MYB: variants seen among roughly 807,000 people sequenced by gnomAD.
MYB encodes the protein transcriptional activator Myb.
In MYB, 28 loss-of-function variants were observed where a neutral mutation model predicts 92.9. The ratio of observed to expected loss-of-function variants is 0.30; its 90% CI spans 0.22 to 0.41. MYB has a LOEUF of 0.41. Among genes scored for constraint, MYB ranks in the 10% least tolerant of loss-of-function variants. The pLI, the probability that MYB is intolerant of heterozygous loss-of-function variation, is 1.00. For synonymous variants in MYB, 295 were observed against 329.1 expected (o/e 0.90, Z 1.12); for missense variants, 679 against 929.3 (o/e 0.73, Z 3.50).
chr6:135,181,840 G>T lies in MYB; in HGVS notation c.23+304G>T, dbSNP rs923862802. 6.6e-6 allele frequency among the ~76,000 whole-genome samples: 1 copy of T among 152,240 alleles called. No homozygotes were observed. The highest frequency in any genetic ancestry group is 2.4e-5 in the African/African-American group (1 of 41,460). ...GCACGTTCCAGCCGAGGGCAGAGCG[G>T]TGCCCACCAGCCCCGGGGAGCCCAC... On this transcript the variant is annotated intron_variant, in intron 1 of 15. Transcript: ENST00000341911. The surrounding 1 kb of genome is among the most constrained non-coding windows in gnomAD (Gnocchi z 5.3).
intron 5 of MYB, among the ~76,000 whole-genome samples, 192 bp from the exon 6 acceptor site, chr6:135,192,132 A>G (rs987827876): frequency 1.3e-4 from 20 of 152,248 alleles, no homozygotes; most frequent in African/African-American, 4.8e-4. Flanking sequence ...AGATTGTGTA[A>G]CTAAGAGAAA....
chr6:135,187,373 G>A (rs1466598043), intron 2 of MYB, among the ~76,000 whole-genome samples: 5 of 152,124 alleles, frequency 3.3e-5, no homozygotes, highest in African/African-American at 1.2e-4. Context: ...ATAGGTAAAT[G>A]TGTACTGAAT....
chr6:135,214,701 G>C (rs887033200), intron 15 of MYB, among the ~76,000 whole-genome samples: 1 of 152,094 alleles, frequency 6.6e-6, no homozygotes, highest in African/African-American at 2.4e-5. Flanking sequence ...CTGTTGTAGC[G>C]ACTACAAATG....
chr6:135,187,964 A>T, intron 3 of MYB, 59 bp downstream of exon 3: 1 of 1,288,078 alleles, frequency 7.8e-7, no homozygotes, highest in Non-Finnish European at 1.1e-6. Flanking sequence ...ATTTCTATAA[A>T]ATATTCTAGG....
chr6:135,190,045 G>T lies in MYB; in HGVS notation c.307-82G>T. On this transcript the variant is annotated intron_variant, in intron 4 of 15. Transcript: ENST00000341911. This position sits in a 1 kb window ranked among gnomAD's most constrained non-coding sequence, Gnocchi z 4.5. ...AAGCAAATTTTGGAAATTTTCTAAAGATCTTGTAACACTGAAGAATGATTA... is the reference window on the plus strand; with the variant it reads ...AAGCAAATTTTGGAAATTTTCTAAATATCTTGTAACACTGAAGAATGATTA... 1.3e-6 allele frequency: 2 copies of T among 1,516,282 alleles called. No individual in the cohort carries two copies. The highest frequency in any genetic ancestry group is 1.8e-6 in the Non-Finnish European group (2 of 1,113,132). The allele number at this position is 1,516,282 out of a possible 1,614,324, so 93.9% of individuals were successfully genotyped here. A position where few individuals can be genotyped will look rare whatever the true frequency, so the allele number is the denominator to read the frequency against.
chr6:135,196,895 C>A, intron 9 of MYB, 66 bp from the exon 10 acceptor site: 1 of 1,585,956 alleles, frequency 6.3e-7, no homozygotes, highest in Non-Finnish European at 8.6e-7. Flanking sequence ...ATCTCTCTCT[C>A]AGTGCTGTTT....
At chr6:135,191,116 A>G (rs1185912692) in intron 5 of MYB, among the ~76,000 whole-genome samples, 1 of 152,188 alleles carries the variant, frequency 6.6e-6, no homozygotes, top group Non-Finnish European at 1.5e-5. Flanking sequence ...TCATTATACC[A>G]CTTTGCTTAA....
At chr6:135,197,574 A>G (rs1442900517) in intron 10 of MYB, among the ~76,000 whole-genome samples, 2 of 152,178 alleles carry the variant, frequency 1.3e-5, no homozygotes, top group Non-Finnish European at 2.9e-5. Flanking sequence ...GTTGCATGAA[A>G]CGTACTTTTA....
At position 135,197,164 on chromosome 6, in the gene MYB, T is replaced by C; in HGVS notation, c.1407T>C (p.Pro469=). ...SSLDPPKVLP[P]ARHSTIPLVI... ...TTGACCCACCCAAGGTCTTACCTCC[T>C]GCAAGGCACAGCACAATTCCACTGG... The change falls in exon 10 of 16, where the codon CCT becomes CCC. Residue 469 remains proline (P), a synonymous_variant. Coordinates refer to ENST00000341911, the MANE Select transcript of MYB (RefSeq NM_001130173.2). 6.2e-7 allele frequency: 1 copy of C among 1,613,982 alleles called. No individual in the cohort carries two copies.
At chr6:135,201,614 C>T in intron 13 of MYB, 25 bp from the exon 14 acceptor site, 1 of 1,526,222 alleles carries the variant, frequency 6.6e-7, no homozygotes, top group Non-Finnish European at 9.1e-7. Context: ...CTAGAAACAA[C>T]AAAGCACTTT....
chr6:135,185,095 A>G (rs927116450), intron 1 of MYB, among the ~76,000 whole-genome samples: 4 of 152,180 alleles, frequency 2.6e-5, no homozygotes, highest in African/African-American at 9.7e-5. Context: ...ATTAGGTTAC[A>G]TTTTATAATA....
chr6:135,210,537 T>G (rs1562396563), intron 15 of MYB, among the ~76,000 whole-genome samples: 1 of 152,258 alleles, frequency 6.6e-6, no homozygotes, highest in Non-Finnish European at 1.5e-5. Context: ...ATTTTGTTAT[T>G]TGTCTATGAA....
intron 15 of MYB, among the ~76,000 whole-genome samples, chr6:135,212,835 TA>T: frequency 6.6e-6 from 1 of 152,304 alleles, no homozygotes; most frequent in East Asian, 1.9e-4. Flanking sequence ...TGACAGTATT[TA>T]AAAATGTTCT....
rs1307163881 is a variant in MYB, at chr6:135,195,901, A to G, written c.1102A>G (p.Ser368Gly). The change falls in exon 9 of 16, where the codon AGC becomes GGC. Residue 368 changes from serine (S) to glycine (G), a missense_variant. Physicochemically the swap from Ser to Gly is moderately conservative, Grantham distance 56 (BLOSUM62 0). Coordinates refer to ENST00000341911, the MANE Select transcript of MYB (RefSeq NM_001130173.2). ...PADPGSLPEESASPARCMIVH... is the reference protein window; with the variant it reads ...PADPGSLPEEGASPARCMIVH... ...GGATCCTGGCTCCCTACCTGAAGAA[A>G]GCGCCTCGCCAGCAAGGTGCATGAT... is the stretch of plus-strand genomic sequence containing the variant. The G allele has an allele frequency of 6.2e-7, 1 of 1,614,072 alleles. No individual in the cohort carries two copies. The highest frequency in any genetic ancestry group is 2.2e-5 in the East Asian group (1 of 44,896).
intron 15 of MYB, among the ~76,000 whole-genome samples, chr6:135,214,713 A>C (rs912583902): frequency 6.6e-6 from 1 of 152,224 alleles, no homozygotes; most frequent in Non-Finnish European, 1.5e-5. Flanking sequence ...CTACAAATGC[A>C]AGCTCAGTAA....
intron 15 of MYB, 53 bp from the exon 16 acceptor site, chr6:135,217,811 A>G (rs1290571356): frequency 1.2e-5 from 15 of 1,289,678 alleles, no homozygotes; most frequent in East Asian, 2.3e-5. Flanking sequence ...TGCTGGGTCT[A>G]TAGAATGAGC....
rs773693156 is a variant in MYB at position 135,203,306 on chromosome 6, C to T, written c.2151C>T (p.Ser717=). 15 of 1,597,126 alleles carry T rather than the reference C, an allele frequency of 9.4e-6. No individual in the cohort carries two copies. The highest frequency in any genetic ancestry group is 1.1e-5 in the South Asian group (1 of 90,656). ...LKAFTVPKNR[S]LASPLQPCSS... ...CATTTACAGTACCTAAAAACAGGTC[C>T]CTGGCGAGCCCCTTGCAGGTAATTA... is the stretch of plus-strand genomic sequence containing the variant. The change falls in exon 15 of 16, where the codon TCC becomes TCT. Residue 717 remains serine (S), a synonymous_variant. Transcript: ENST00000341911.
chr6:135,201,738 G>C lies in MYB; in HGVS notation c.2050G>C (p.Ala684Pro), dbSNP rs989453196. The C allele has an allele frequency of 8.7e-6, 13 of 1,493,028 alleles. No individual in the cohort carries two copies. The African/African-American group carries it at 1.7e-4, about 20-fold the overall frequency. The allele number at this position is 1,493,028 out of a possible 1,614,324, so 92.5% of individuals were successfully genotyped here. Residue 684 changes from alanine (A) to proline (P), a missense_variant, in exon 14 of 16, where the codon GCA becomes CCA. This residue lies in a region of MYB where 402 missense variants were observed against 434.2 expected (regional missense o/e 0.93). Transcript: ENST00000341911. ...ACTGTTCACGCAGACCTCGCCTGTGGCAGATGCACCGGTAAGTACGTGTGC... is the reference window on the plus strand; with the variant it reads ...ACTGTTCACGCAGACCTCGCCTGTGCCAGATGCACCGGTAAGTACGTGTGC... ...TQLFTQTSPV[A>P]DAPNILTSSV...
intron 11 of MYB, chr6:135,199,430 T>A: frequency 2.9e-6 from 1 of 345,936 alleles, no homozygotes; most frequent in South Asian, 5.1e-5. Context: ...GTTTCTTACC[T>A]AGTTTGTATT....
Sources: gnomAD v4.1 joint callset for allele counts (sites outside exome capture counted in the v4.1 genomes callset) on GRCh38, gnomAD v4.1.1 for gene constraint, gnomAD v4.1.1 regional missense constraint, Gnocchi (gnomAD v3.1) non-coding constraint, MANE v1.5 for transcripts, NCBI Gene and HGNC (gene_info 2026-07-23, HGNC 2026-07-21) for gene names.